ZCCHC9: variants seen among roughly 807,000 people sequenced by gnomAD.
The protein encoded by ZCCHC9 is zinc finger CCHC-type containing 9.
ZCCHC9 carries 18 observed loss-of-function variants against 30.8 expected under a neutral mutation model. The ratio of observed to expected loss-of-function variants is 0.58; its 90% CI spans 0.40 to 0.87. The LOEUF is 0.87. ZCCHC9 is among the 40% of genes least tolerant of loss of function. The probability of loss-of-function intolerance (pLI) is 0.00; values close to 1 mark genes in which losing one functional copy is unlikely to be tolerated. For missense variants in ZCCHC9, 279 were observed against 331.2 expected (o/e 0.84, Z 1.22); for synonymous variants, 94 against 106.7 (o/e 0.88, Z 0.73).
At chr5:81,311,910 G>T (rs1157546741) in intron 5 of ZCCHC9, among the ~76,000 whole-genome samples, 1 of 152,000 alleles carries the variant, frequency 6.6e-6, no homozygotes, top group Non-Finnish European at 1.5e-5. Flanking sequence ...AAGACAGTAG[G>T]ATAGCCCAGC....
At chr5:81,308,857 A>C in intron 3 of ZCCHC9, 89 bp from the exon 4 acceptor site, 1 of 1,391,002 alleles carries the variant, frequency 7.2e-7, no homozygotes, top group Admixed American at 2.5e-5. Context: ...ATGTAAATAT[A>C]TTTTTTATTC....
intron 1 of ZCCHC9, chr5:81,302,103 C>G (rs1208419321): frequency 6.6e-6 from 1 of 152,332 alleles, no homozygotes; most frequent in African/African-American, 2.4e-5. Flanking sequence ...GTCCACCCTT[C>G]AGCTTCTGTG....
intron 4 of ZCCHC9, among the ~76,000 whole-genome samples, chr5:81,309,741 C>A (rs922675596): frequency 6.6e-6 from 1 of 152,180 alleles, no homozygotes; most frequent in Non-Finnish European, 1.5e-5. Context: ...CTTTGGCCAA[C>A]TACCAAACTC....
intron 4 of ZCCHC9, 89 bp from the exon 5 acceptor site, chr5:81,311,122 A>C: frequency 7.7e-7 from 1 of 1,292,010 alleles, no homozygotes; most frequent in Non-Finnish European, 1.1e-6. Flanking sequence ...CAGGGTTGTG[A>C]GGATCCAGTA....
At chr5:81,305,635 A>G (rs946631285) in intron 2 of ZCCHC9, among the ~76,000 whole-genome samples, 5 of 150,612 alleles carry the variant, frequency 3.3e-5, no homozygotes, top group African/African-American at 9.8e-5. Flanking sequence ...GGTGGTACAC[A>G]CCTGTGATCC....
At position 81,311,299 on chromosome 5, in the gene ZCCHC9, A is replaced by C. The variant is rs777892843; in HGVS notation, c.697+20A>C. On this transcript the variant is annotated intron_variant, in intron 5 of 5. Transcript: ENST00000407610. ...ATTCAGGTGAGATCTCTGGGCCTCTACTTAGAAGGGGTGAGATTAGTATTC... is the reference window on the plus strand; with the variant it reads ...ATTCAGGTGAGATCTCTGGGCCTCTCCTTAGAAGGGGTGAGATTAGTATTC... The C allele has an allele frequency of 6.2e-7, 1 of 1,611,656 alleles. No individual in the cohort carries two copies. Among genetic ancestry groups the C allele is most frequent in the South Asian group, 1.1e-5 (1 of 91,014 alleles).
chr5:81,312,040 A>G (rs1408351140), intron 5 of ZCCHC9, among the ~76,000 whole-genome samples: 1 of 152,198 alleles, frequency 6.6e-6, no homozygotes, highest in African/African-American at 2.4e-5. Flanking sequence ...AAGAGTTCTT[A>G]TTTACAAGCT....
At position 81,309,044 on chromosome 5, in the gene ZCCHC9, TA is replaced by T; in HGVS notation, c.628+7del. Reference sequence around the variant, plus strand: ...CAAAGGACTCTATGCTGATGGTAAGTACTGTTACCCTCATATAGCAGAAATG... The same window carrying T: ...CAAAGGACTCTATGCTGATGGTAAGTCTGTTACCCTCATATAGCAGAAATG... On this transcript the variant is annotated splice_region_variant and intron_variant, in intron 4 of 5. Coordinates refer to ENST00000407610, the MANE Select transcript of ZCCHC9 (RefSeq NM_001131035.2). 1 of 1,592,228 alleles carries T rather than the reference TA, an allele frequency of 6.3e-7. No individual in the cohort carries two copies. The highest frequency in any genetic ancestry group is 1.7e-5 in the Admixed American group (1 of 57,834).
intron 2 of ZCCHC9, among the ~76,000 whole-genome samples, chr5:81,305,835 T>C (rs1758069887): frequency 6.6e-6 from 1 of 152,174 alleles, no homozygotes; most frequent in Non-Finnish European, 1.5e-5. Context: ...GTCAAAATTA[T>C]GAAGAAGATG....
intron 2 of ZCCHC9, among the ~76,000 whole-genome samples, chr5:81,307,238 T>C (rs1758103321): frequency 6.6e-6 from 1 of 152,246 alleles, no homozygotes; most frequent in Non-Finnish European, 1.5e-5. Flanking sequence ...AAAAAATTCT[T>C]CAAATTTCTG....
rs1176846732 is a variant in ZCCHC9 at position 81,312,681 on chromosome 5, T to C, written c.*19T>C. On this transcript the variant is annotated 3_prime_UTR_variant, in exon 6 of 6. Coordinates refer to ENST00000407610, the MANE Select transcript of ZCCHC9 (RefSeq NM_001131035.2). ...TTTTTGATAACAGCTAGCACTATCATGAGTTACTACCTCATTGTTACTTTC... is the reference window on the plus strand; with the variant it reads ...TTTTTGATAACAGCTAGCACTATCACGAGTTACTACCTCATTGTTACTTTC... 7.1e-6 allele frequency: 11 copies of C among 1,546,864 alleles called. No individual in the cohort carries two copies. Among genetic ancestry groups the C allele is most frequent in the Non-Finnish European group, 8.0e-6 (9 of 1,119,794 alleles).
intron 5 of ZCCHC9, 81 bp downstream of exon 5, chr5:81,311,360 C>G: frequency 3.6e-6 from 5 of 1,372,134 alleles, no homozygotes. Context: ...ATTAATAACT[C>G]AATTGGGATA....
At chr5:81,309,273 T>C (rs1024507889) in intron 4 of ZCCHC9, 4 of 373,502 alleles carry the variant, frequency 1.1e-5, no homozygotes, top group Non-Finnish European at 1.9e-5. Context: ...TGTGCTTGCT[T>C]CATCATTTGT....
At chr5:81,306,327 T>C (rs574367278) in intron 2 of ZCCHC9, among the ~76,000 whole-genome samples, 14 of 152,382 alleles carry the variant, frequency 9.2e-5, no homozygotes, top group African/African-American at 3.1e-4. Context: ...TGCATTGTTA[T>C]ATTTAAAGAT....
intron 4 of ZCCHC9, among the ~76,000 whole-genome samples, chr5:81,310,811 G>T (rs948421467): frequency 2.0e-5 from 3 of 152,174 alleles, no homozygotes; most frequent in African/African-American, 7.2e-5. Context: ...GCCATTGACT[G>T]TTTGAGAATC....
chr5:81,306,786 A>G (rs1258037624), intron 2 of ZCCHC9, among the ~76,000 whole-genome samples: 1 of 152,194 alleles, frequency 6.6e-6, no homozygotes, highest in Non-Finnish European at 1.5e-5. Context: ...GTATTAGGTG[A>G]TGATTAGGTT....
rs1580490685 is a variant in ZCCHC9, at chr5:81,304,852, C to A, written c.95C>A (p.Thr32Lys). ...ATGAAGAAGGGATCCTTTGAGGGAA[C>A]AAGCCAAAACCTACCAAAGCGTAAA... is the stretch of plus-strand genomic sequence containing the variant. Reference protein sequence around the residue: ...EDMKKGSFEGTSQNLPKRKQL... With the variant: ...EDMKKGSFEGKSQNLPKRKQL... Residue 32 changes from threonine (T) to lysine (K), a missense_variant, in exon 2 of 6, where the codon ACA becomes AAA. Thr to Lys is a moderately conservative substitution (Grantham distance 78). Transcript: ENST00000407610. The A allele has an allele frequency of 6.2e-7, 1 of 1,614,080 alleles. No individual in the cohort carries two copies. Among genetic ancestry groups the A allele is most frequent in the Non-Finnish European group, 8.5e-7 (1 of 1,180,038 alleles).
Position 81,306,276 on chromosome 5 carries a change from C to T in ZCCHC9, c.384+1135C>T, listed in dbSNP as rs538971009. Among the ~76,000 whole-genome samples the T allele has an allele frequency of 3.2e-4, 49 of 152,222 alleles. No homozygotes were observed. In the South Asian group the frequency reaches 3.5e-3, roughly 11 times the overall value. Reference sequence around the variant, plus strand: ...ATTGCAGGCTTAAAATGTTAACAGCCTCTATAAATGTGTCTTTTGGCTGTT... The same window carrying T: ...ATTGCAGGCTTAAAATGTTAACAGCTTCTATAAATGTGTCTTTTGGCTGTT... On this transcript the variant is annotated intron_variant, in intron 2 of 5. Transcript: ENST00000407610.
At chr5:81,309,547 G>T (rs910109096) in intron 4 of ZCCHC9, among the ~76,000 whole-genome samples, 1 of 152,084 alleles carries the variant, frequency 6.6e-6, no homozygotes, top group Non-Finnish European at 1.5e-5. Flanking sequence ...AAGTCTATGC[G>T]GTCTAAAGCT....
Sources: gnomAD v4.1 joint callset for allele counts (sites outside exome capture counted in the v4.1 genomes callset) on GRCh38, gnomAD v4.1.1 for gene constraint, MANE v1.5 for transcripts, NCBI Gene and HGNC (gene_info 2026-07-23, HGNC 2026-07-21) for gene names.